The following SRPRA variants were observed in gnomAD, a reference collection of about 807,000 sequenced individuals.
SRPRA encodes the protein signal recognition particle receptor subunit alpha.
SRPRA carries 30 observed loss-of-function variants against 61.1 expected under a neutral mutation model. The observed-to-expected ratio is 0.49, with a 90% CI of 0.37 to 0.67. The LOEUF (loss-of-function observed/expected upper bound fraction) is 0.67. SRPRA is among the 30% of genes least tolerant of loss of function. SRPRA has a pLI of 0.00. For missense variants in SRPRA, 759 were observed against 828.4 expected (o/e 0.92, Z 1.03); for synonymous variants, 324 against 299.7 (o/e 1.08, Z -0.84).
the SRPRA span, among the ~76,000 whole-genome samples, chr11:126,253,935 C>T: frequency 6.6e-4 from 100 of 152,254 alleles, no homozygotes; most frequent in African/African-American, 2.3e-3. The surrounding 1 kb of genome is among the most constrained non-coding windows in gnomAD (Gnocchi z 5.1). Flanking sequence ...GGAGTCACTC[C>T]GAAGAGGGGC....
At chr11:126,254,545 G>T in the SRPRA span, 4 of 1,430,774 alleles carry the variant, frequency 2.8e-6, no homozygotes, top group Admixed American at 8.0e-5. Context: ...AAAACGGAAG[G>T]TCAGGGGCTA....
At chr11:126,254,518 C>G in the SRPRA span, 1 of 1,543,100 alleles carries the variant, frequency 6.5e-7, no homozygotes, top group Non-Finnish European at 8.9e-7. Context: ...AGGGGAACAT[C>G]TTCTTTTCAT....
At chr11:126,248,976 T>C in the SRPRA span, among the ~76,000 whole-genome samples, 1 of 152,252 alleles carries the variant, frequency 6.6e-6, no homozygotes, top group Non-Finnish European at 1.5e-5. Flanking sequence ...GTAAAGCCAG[T>C]TTCCCACCTG....
In SRPRA at chr11:126,266,531, C is replaced by G. The variant is rs1950813253; in HGVS notation, c.785G>C (p.Ser262Thr). 1 of 1,614,100 alleles carries G rather than the reference C, an allele frequency of 6.2e-7. No individual in the cohort carries two copies. The highest frequency in any genetic ancestry group is 8.5e-7 in the Non-Finnish European group (1 of 1,180,046). Reference protein sequence around the residue: ...GCANKEVLDYSTPTTNGTPEA... With the variant: ...GCANKEVLDYTTPTTNGTPEA... The stretch of plus-strand genomic sequence containing the variant: ...AGGGGTTCCATTGGTGGTGGGAGTA[C>G]TGTAATCCAACACTTCTTTGTTAGC... Residue 262 changes from serine (S) to threonine (T), a missense_variant, in exon 6 of 14, where the codon AGT becomes ACT. Transcript: ENST00000332118.
the SRPRA span, among the ~76,000 whole-genome samples, chr11:126,241,696 T>C: frequency 3.9e-5 from 6 of 152,006 alleles, no homozygotes; most frequent in Non-Finnish European, 8.8e-5. Context: ...ATTACAGGCA[T>C]GTGCCACCAT....
chr11:126,247,962 C>T, the SRPRA span, among the ~76,000 whole-genome samples: 1 of 145,138 alleles, frequency 6.9e-6, no homozygotes, highest in African/African-American at 2.5e-5. Context: ...CTCACAGACA[C>T]ACACTATCAA....
chr11:126,247,535 G>A, the SRPRA span, among the ~76,000 whole-genome samples: 6 of 151,848 alleles, frequency 4.0e-5, no homozygotes, highest in South Asian at 6.2e-4. Context: ...CCTTTTTATC[G>A]GTGTGTGTAA....
chr11:126,254,269 C>G, the SRPRA span: 1 of 1,605,364 alleles, frequency 6.2e-7, no homozygotes, highest in East Asian at 2.2e-5. Flanking sequence ...GTGCTCAGCC[C>G]TGCCAAGCTG....
rs1216424761 is a variant in SRPRA, at chr11:126,267,563, GAAGTC to G, written c.346_350del (p.Asp116ProfsTer6). ...AGGTCTCTCACCGAAGGAGCCGCAG[GAAGTC>G]ATTTTGGAAATCAAAAGTGCCATTT... On this transcript the variant is annotated frameshift_variant, in exon 3 of 14. Coordinates refer to ENST00000332118, the MANE Select transcript of SRPRA (RefSeq NM_003139.4). LOFTEE classifies it high-confidence loss of function. The surrounding 1 kb of genome is among the most constrained non-coding windows in gnomAD (Gnocchi z 4.2). The G allele has an allele frequency of 6.2e-7, 1 of 1,614,044 alleles. No homozygotes were observed. Among genetic ancestry groups the G allele is most frequent in the Admixed American group, 1.7e-5 (1 of 60,028 alleles).
the SRPRA span, among the ~76,000 whole-genome samples, chr11:126,235,982 A>C: frequency 6.7e-6 from 1 of 150,122 alleles, no homozygotes; most frequent in Non-Finnish European, 1.5e-5. Context: ...ATGTATTCTC[A>C]CATGCTCTGA....
Position 126,267,758 on chromosome 11 carries a change from C to T in SRPRA, c.202-46G>A. The T allele has an allele frequency of 1.2e-6, 2 of 1,607,324 alleles. No individual in the cohort carries two copies. Among genetic ancestry groups the T allele is most frequent in the Non-Finnish European group, 1.7e-6 (2 of 1,175,468 alleles). On this transcript the variant is annotated intron_variant, in intron 2 of 13. Transcript: ENST00000332118. The surrounding 1 kb of genome is among the most constrained non-coding windows in gnomAD (Gnocchi z 4.2). The stretch of plus-strand genomic sequence containing the variant: ...CCAACAGATCTGCTTACATACTAGC[C>T]TAGAATGGAGGGACGCCAACTCAAC...
downstream of SRPRA, chr11:126,260,274 C>T (rs1456742232): frequency 2.6e-5 from 4 of 152,168 alleles, no homozygotes; most frequent in African/African-American, 7.2e-5. Context: ...TGCAAGCAAT[C>T]CTCCCACCTC....
chr11:126,257,683 T>C, the SRPRA span, among the ~76,000 whole-genome samples: 1 of 152,124 alleles, frequency 6.6e-6, no homozygotes, highest in Non-Finnish European at 1.5e-5. Flanking sequence ...TAGTAGGATT[T>C]AAAGTGTTGA....
At chr11:126,251,974 G>A in the SRPRA span, among the ~76,000 whole-genome samples, 5 of 142,976 alleles carry the variant, frequency 3.5e-5, no homozygotes, top group South Asian at 8.8e-4. Flanking sequence ...GTGCCTGGCC[G>A]TTTTGTTTTG....
chr11:126,250,445 TA>T, the SRPRA span: 1 of 1,206,922 alleles, frequency 8.3e-7, no homozygotes, highest in Non-Finnish European at 1.2e-6. This position sits in a 1 kb window ranked among gnomAD's most constrained non-coding sequence, Gnocchi z 5.1. Context: ...CTGCTGTAAC[TA>T]AAACAACTGA....
At chr11:126,262,030 G>C (rs143723487), downstream of SRPRA, 5 of 1,235,454 alleles carry the variant, frequency 4.0e-6, no homozygotes, top group Admixed American at 7.8e-5. Context: ...GCCTTCTGAA[G>C]GGTTAGGATT....
the SRPRA span, chr11:126,245,319 G>T: frequency 6.6e-6 from 1 of 151,798 alleles, no homozygotes; most frequent in Non-Finnish European, 1.5e-5. Context: ...AAATTACAAG[G>T]GACCTAGGGT....
At chr11:126,236,908 T>G in the SRPRA span, among the ~76,000 whole-genome samples, 1 of 146,760 alleles carries the variant, frequency 6.8e-6, no homozygotes, top group African/African-American at 2.5e-5. Flanking sequence ...TGTTTATGTT[T>G]CACAGATGCT....
the SRPRA span, among the ~76,000 whole-genome samples, chr11:126,238,803 T>C: frequency 2.6e-5 from 4 of 152,144 alleles, no homozygotes; most frequent in African/African-American, 4.8e-5. Flanking sequence ...TGCATTACAA[T>C]TGGTAAAATG....
Sources: allele counts gnomAD v4.1 joint callset (sites outside exome capture counted in the v4.1 genomes callset), GRCh38; gene constraint gnomAD v4.1.1; non-coding constraint Gnocchi (gnomAD v3.1); transcripts MANE v1.5; gene names NCBI Gene and HGNC (gene_info 2026-07-23, HGNC 2026-07-21).